Variants in DYNC2H1 observed in about 807,000 individuals in gnomAD.
The protein encoded by DYNC2H1 is dynein cytoplasmic 2 heavy chain 1, also known as cytoplasmic dynein 2 heavy chain 1.
In DYNC2H1, 410 loss-of-function variants were observed where a neutral mutation model predicts 570.0. The observed-to-expected ratio is 0.72, with a 90% CI of 0.66 to 0.78. DYNC2H1 has a LOEUF of 0.78. Among genes scored for constraint, DYNC2H1 ranks in the 30% least tolerant of loss-of-function variants. The probability of loss-of-function intolerance (pLI) is 0.00; values close to 1 mark genes in which losing one functional copy is unlikely to be tolerated. For synonymous variants in DYNC2H1, 1,688 were observed against 1,677.6 expected (o/e 1.01, Z -0.15); for missense variants, 4,865 against 5,046.4 (o/e 0.96, Z 1.09).
rs1172631046 is a variant in DYNC2H1 at position 103,254,897 on chromosome 11, G to A, written c.10207-518G>A. Among the ~76,000 whole-genome samples, 2 of 151,564 alleles carry A rather than the reference G, an allele frequency of 1.3e-5. No homozygotes were observed. Among genetic ancestry groups the A allele is most frequent in the African/African-American group, 2.4e-5 (1 of 41,252 alleles). ...AGCTATTCTCCTGCCTCAGCCTCCC[G>A]AGTAGCTGGGATTACAGGCGCCCAC... On this transcript the variant is annotated intron_variant, in intron 66 of 88. Transcript: ENST00000375735. The surrounding 1 kb of genome is among the most constrained non-coding windows in gnomAD (Gnocchi z 4.9).
intron 31 of DYNC2H1, among the ~76,000 whole-genome samples, chr11:103,168,017 C>A (rs1861402609): frequency 6.6e-6 from 1 of 152,274 alleles, no homozygotes; most frequent in South Asian, 2.1e-4. Context: ...TTTTTTCAAT[C>A]TCCTTCTTCT....
chr11:103,180,988 G>A (rs1221524186), intron 39 of DYNC2H1, among the ~76,000 whole-genome samples: 1 of 151,130 alleles, frequency 6.6e-6, no homozygotes, highest in African/African-American at 2.4e-5. Context: ...AAAATCGTGA[G>A]GTCTTGTCAA....
At chr11:103,140,580 C>G (rs1859854776) in intron 17 of DYNC2H1, among the ~76,000 whole-genome samples, 1 of 152,166 alleles carries the variant, frequency 6.6e-6, no homozygotes. Context: ...TGAGAGATCC[C>G]CTGTTAGTCT....
intron 12 of DYNC2H1, 24 bp from the exon 13 acceptor site, chr11:103,128,886 A>G (rs775882683): frequency 7.3e-5 from 108 of 1,474,224 alleles, no homozygotes; most frequent in Non-Finnish European, 9.4e-5. Context: ...ATTAATTATT[A>G]CTAATTGGAC....
chr11:103,235,674 T>C lies in DYNC2H1; in HGVS notation c.9570T>C (p.Val3190=), dbSNP rs770040212. 6.2e-7 allele frequency: 1 copy of C among 1,607,074 alleles called. No individual in the cohort carries two copies. Among genetic ancestry groups the C allele is most frequent in the South Asian group, 1.1e-5 (1 of 90,260 alleles). ...TTTCTTCTCTCTCTTTTTTCCAGGT[T>C]GTAGAGATAACAGAGGAATTAGCTA... ...DREHKRWNAQ[V]VEITEELATL... is the part of the protein sequence containing the mutation. The change falls in exon 62 of 89, where the codon GTT becomes GTC. Residue 3190 remains valine (V), a splice_region_variant and synonymous_variant. Coordinates refer to ENST00000375735, the MANE Select transcript of DYNC2H1 (RefSeq NM_001377.3).
chr11:103,384,708 T>G, intron 83 of DYNC2H1, among the ~76,000 whole-genome samples: 1 of 152,160 alleles, frequency 6.6e-6, no homozygotes, highest in East Asian at 1.9e-4. Flanking sequence ...AATTCCAACT[T>G]TATATGCAGT....
chr11:103,189,935 C>A lies in DYNC2H1; in HGVS notation c.7437+119C>A, dbSNP rs76652198. 1 of 1,047,576 alleles carries A rather than the reference C, an allele frequency of 9.5e-7. No individual in the cohort carries two copies. Among genetic ancestry groups the A allele is most frequent in the South Asian group, 1.9e-5 (1 of 54,052 alleles). The allele number at this position is 1,047,576 out of a possible 1,614,324, so 64.9% of individuals were successfully genotyped here. A position where few individuals can be genotyped will look rare whatever the true frequency, so the allele number is the denominator to read the frequency against. On this transcript the variant is annotated intron_variant, in intron 45 of 88. Transcript: ENST00000375735. The surrounding 1 kb of genome is among the most constrained non-coding windows in gnomAD (Gnocchi z 4.3). ...TTACTTTCCTGTTTATTAGACTTTT[C>A]TAGTAGAGAGTAACTGTGAAGACAG...
chr11:103,332,469 C>T (rs1182864524), intron 82 of DYNC2H1, among the ~76,000 whole-genome samples: 2 of 152,068 alleles, frequency 1.3e-5, no homozygotes, highest in Non-Finnish European at 2.9e-5. Flanking sequence ...AAAAAACAAA[C>T]ACACACAGGC....
chr11:103,371,196 A>G (rs1941131441), intron 83 of DYNC2H1, among the ~76,000 whole-genome samples: 1 of 152,076 alleles, frequency 6.6e-6, no homozygotes. Context: ...CCTTTTGATA[A>G]CAGAATTCAT....
At chr11:103,269,591 G>A (rs899324201) in intron 70 of DYNC2H1, among the ~76,000 whole-genome samples, 1 of 152,112 alleles carries the variant, frequency 6.6e-6, no homozygotes, top group African/African-American at 2.4e-5. Flanking sequence ...TTATTTTGTA[G>A]CAGGAAATTT....
At chr11:103,109,910 A>G (rs1191936371) in intron 1 of DYNC2H1, 141 bp downstream of exon 1, 4 of 891,520 alleles carry the variant, frequency 4.5e-6, no homozygotes, top group Non-Finnish European at 6.5e-6. Context: ...CTTCTCCTGC[A>G]TTATTGGCTT....
chr11:103,148,247 A>C (rs1225370469), intron 19 of DYNC2H1, among the ~76,000 whole-genome samples: 1 of 152,220 alleles, frequency 6.6e-6, no homozygotes. Context: ...AAATGCAGTA[A>C]TGCATTTTAA....
intron 83 of DYNC2H1, among the ~76,000 whole-genome samples, chr11:103,374,437 G>T (rs1454569930): frequency 6.6e-6 from 1 of 152,154 alleles, no homozygotes; most frequent in Non-Finnish European, 1.5e-5. Context: ...CCAGGAGTGG[G>T]GCATTGCTAT....
intron 78 of DYNC2H1, among the ~76,000 whole-genome samples, chr11:103,309,705 A>G (rs557345811): frequency 1.3e-5 from 2 of 152,210 alleles, no homozygotes; most frequent in South Asian, 2.1e-4. Flanking sequence ...CTACTAATCT[A>G]TATTCTAGGA....
At chr11:103,110,564 G>T (rs1858065658) in intron 1 of DYNC2H1, among the ~76,000 whole-genome samples, 1 of 151,976 alleles carries the variant, frequency 6.6e-6, no homozygotes, top group Non-Finnish European at 1.5e-5. Flanking sequence ...TACATCATGT[G>T]ATATACTGAT....
chr11:103,133,523 A>G lies in DYNC2H1; in HGVS notation c.1954-32A>G, dbSNP rs1859379334. Reference sequence around the variant, plus strand: ...AAACTTTTGGAAAAAAGAAATACTTATACATACTAAAGGTTATTTATTGTA... The same window carrying G: ...AAACTTTTGGAAAAAAGAAATACTTGTACATACTAAAGGTTATTTATTGTA... On this transcript the variant is annotated intron_variant, in intron 13 of 88. Transcript: ENST00000375735. The surrounding 1 kb of genome is among the most constrained non-coding windows in gnomAD (Gnocchi z 4.8). 6 of 1,569,790 alleles carry G rather than the reference A, an allele frequency of 3.8e-6. No individual in the cohort carries two copies. In the African/African-American group the frequency reaches 8.3e-5, roughly 22 times the overall value.
At chr11:103,475,448 G>A (rs976181708) in intron 88 of DYNC2H1, among the ~76,000 whole-genome samples, 1 of 152,116 alleles carries the variant, frequency 6.6e-6, no homozygotes, top group African/African-American at 2.4e-5. Flanking sequence ...CAGTTAAGGA[G>A]TATTCAAAGA....
Position 103,191,636 on chromosome 11 carries a change from T to G in DYNC2H1, c.7540+17T>G, listed in dbSNP as rs754874722. On this transcript the variant is annotated intron_variant, in intron 46 of 88. Transcript: ENST00000375735. ...TAGAAGGAGGTGAGTTTTGCTAGTG[T>G]GTATCTTGTGTGTGTGTGTGTGTGT... 1.2e-5 allele frequency: 19 copies of G among 1,552,352 alleles called. No homozygotes were observed. The highest frequency in any genetic ancestry group is 3.3e-4 in the Middle Eastern group (2 of 5,980).
At position 103,256,824 on chromosome 11, in the gene DYNC2H1, G is replaced by A. The variant is rs919997719; in HGVS notation, c.10461+584G>A. ...GCCTGATAGCGCTGTGCTGTCTTGC[G>A]TTACCTTAACTGATTCTCTTTTGAA... On this transcript the variant is annotated intron_variant, in intron 68 of 88. Transcript: ENST00000375735. The surrounding 1 kb of genome is among the most constrained non-coding windows in gnomAD (Gnocchi z 4.0). 1.3e-5 allele frequency among the ~76,000 whole-genome samples: 2 copies of A among 152,018 alleles called. No homozygotes were observed. Among genetic ancestry groups the A allele is most frequent in the Non-Finnish European group, 2.9e-5 (2 of 68,000 alleles).
Sources: allele counts gnomAD v4.1 joint callset (sites outside exome capture counted in the v4.1 genomes callset), GRCh38; gene constraint gnomAD v4.1.1; non-coding constraint Gnocchi (gnomAD v3.1); transcripts MANE v1.5; gene names NCBI Gene and HGNC (gene_info 2026-07-23, HGNC 2026-07-21).